Variants in XKR6 observed in about 807,000 individuals in gnomAD.
XKR6 encodes XK related 6, also known as XK-related protein 6.
A neutral mutation model predicts 56.7 loss-of-function variants in XKR6; 22 were observed. That is an observed-to-expected ratio of 0.39 (90% CI 0.28 to 0.55). XKR6 has a LOEUF of 0.55. Among genes scored for constraint, XKR6 ranks in the 20% least tolerant of loss-of-function variants. XKR6 has a pLI of 0.66. For synonymous variants in XKR6, 524 were observed against 387.8 expected (o/e 1.35, Z -4.13); for missense variants, 852 against 889.0 (o/e 0.96, Z 0.53).
chr8:11,069,444 T>C (rs1212287143), intron 1 of XKR6, among the ~76,000 whole-genome samples: 2 of 151,644 alleles, frequency 1.3e-5, no homozygotes, highest in Non-Finnish European at 2.9e-5. Context: ...AGAGCCTGTG[T>C]TGCCACACCT....
chr8:10,991,054 C>A lies in XKR6; in HGVS notation c.765-66224G>T, dbSNP rs368366753. On this transcript the variant is annotated intron_variant, in intron 1 of 2. Coordinates refer to ENST00000416569, the MANE Select transcript of XKR6 (RefSeq NM_173683.4). ...GAGTAACTGGGATTACAGGCACCCA[C>A]CAACATGCCCAGCTGATTTTTGTAT... 5.9e-5 allele frequency among the ~76,000 whole-genome samples: 9 copies of A among 152,186 alleles called. No homozygotes were observed. In the South Asian group the frequency reaches 1.7e-3, roughly 28 times the overall value.
At chr8:11,015,982 G>A (rs1798610505) in intron 1 of XKR6, among the ~76,000 whole-genome samples, 1 of 152,160 alleles carries the variant, frequency 6.6e-6, no homozygotes, top group African/African-American at 2.4e-5. Context: ...CGGGCAGCAG[G>A]GCTCAGACGA....
At chr8:11,116,659 C>G (rs1799190686) in intron 1 of XKR6, among the ~76,000 whole-genome samples, 1 of 152,196 alleles carries the variant, frequency 6.6e-6, no homozygotes, top group African/African-American at 2.4e-5. Flanking sequence ...GCAGGAGCCA[C>G]TACACCAGGC....
intron 1 of XKR6, among the ~76,000 whole-genome samples, chr8:11,080,392 G>A (rs1294286904): frequency 6.6e-6 from 1 of 152,298 alleles, no homozygotes; most frequent in South Asian, 2.1e-4. Context: ...AAAAAAAAGA[G>A]ATCAGTACAT....
At chr8:10,960,859 C>T (rs1266829413) in intron 1 of XKR6, among the ~76,000 whole-genome samples, 1 of 152,222 alleles carries the variant, frequency 6.6e-6, no homozygotes, top group African/African-American at 2.4e-5. Context: ...AGATCGCTTG[C>T]ATTCCAGTGG....
rs1263481367 is a variant in XKR6 at position 10,897,841 on chromosome 8, G to A, written c.*111C>T. On this transcript the variant is annotated 3_prime_UTR_variant, in exon 3 of 3. Transcript: ENST00000416569. The stretch of plus-strand genomic sequence containing the variant: ...GTGGTGTTGGTGTGGCGGTGTTGGT[G>A]GTGGTGGCGGTGGTTCTGTGTATTG... The A allele has an allele frequency of 5.2e-6, 7 of 1,353,888 alleles. No homozygotes were observed. In the African/African-American group the frequency reaches 1.0e-4, roughly 20 times the overall value. 83.9% of individuals were successfully genotyped at this position (1,353,888 alleles called of 1,614,324 possible).
intron 1 of XKR6, chr8:11,107,960 T>A: frequency 3.3e-6 from 1 of 301,830 alleles, no homozygotes. Flanking sequence ...GATGATGCTC[T>A]TCCATCTCTC....
chr8:11,158,951 G>A (rs1801660722), intron 1 of XKR6, among the ~76,000 whole-genome samples: 1 of 152,194 alleles, frequency 6.6e-6, no homozygotes, highest in Admixed American at 6.5e-5. Context: ...GGACCCGCTT[G>A]CCGGCACTCA....
chr8:11,085,979 A>G (rs543775694), intron 1 of XKR6, among the ~76,000 whole-genome samples: 1 of 152,088 alleles, frequency 6.6e-6, no homozygotes, highest in Non-Finnish European at 1.5e-5. Context: ...AGAATTTGAG[A>G]ATCACTCACT....
chr8:11,108,218 A>T (rs1191881280), intron 1 of XKR6: 1 of 450,290 alleles, frequency 2.2e-6, no homozygotes, highest in East Asian at 7.0e-5. Flanking sequence ...CCAAATTCAG[A>T]AATAACCATA....
intron 1 of XKR6, among the ~76,000 whole-genome samples, chr8:10,948,874 G>A (rs1801630778): frequency 6.6e-6 from 1 of 152,216 alleles, no homozygotes; most frequent in Non-Finnish European, 1.5e-5. Context: ...ATTTACTGGA[G>A]CAGGCACAGC....
intron 1 of XKR6, among the ~76,000 whole-genome samples, chr8:11,050,221 G>C (rs1347397959): frequency 2.0e-5 from 3 of 152,350 alleles, no homozygotes; most frequent in Non-Finnish European, 4.4e-5. Flanking sequence ...GCCAGATACA[G>C]GGAGGGGCAA....
intron 1 of XKR6, among the ~76,000 whole-genome samples, chr8:11,138,901 T>C (rs1307491561): frequency 6.6e-6 from 1 of 150,390 alleles, no homozygotes; most frequent in Non-Finnish European, 1.5e-5. Context: ...TGAAGTTATC[T>C]GGGCCATTTC....
At chr8:11,165,124 G>C (rs1466005786) in intron 1 of XKR6, among the ~76,000 whole-genome samples, 1 of 106,966 alleles carries the variant, frequency 9.3e-6, no homozygotes, top group Non-Finnish European at 1.8e-5. Flanking sequence ...TTTTGAGACA[G>C]AGTGTCGCTT....
intron 1 of XKR6, among the ~76,000 whole-genome samples, chr8:10,977,673 T>A (rs1397691719): frequency 1.3e-5 from 2 of 149,124 alleles, no homozygotes; most frequent in African/African-American, 4.9e-5. Context: ...CCTCGAAAGG[T>A]CTATCACGGA....
At chr8:11,176,516 T>C (rs1432581792) in intron 1 of XKR6, among the ~76,000 whole-genome samples, 1 of 152,200 alleles carries the variant, frequency 6.6e-6, no homozygotes, top group African/African-American at 2.4e-5. Context: ...GCAACGTTTG[T>C]ATATATTTTT....
rs145006022 is a variant in XKR6 at position 10,954,645 on chromosome 8, A to C, written c.765-29815T>G. Among the ~76,000 whole-genome samples, 386 of 152,274 alleles carry C rather than the reference A, an allele frequency of 2.5e-3. 3 individuals are homozygous for C. Among genetic ancestry groups the C allele is most frequent in the African/African-American group, 8.2e-3 (342 of 41,574 alleles). On this transcript the variant is annotated intron_variant, in intron 1 of 2. Transcript: ENST00000416569. ...CCTGATGGTGTCCTCTGAAGCACAG[A>C]AATTTTTAATTTTGATGAAGTCTTA... is the stretch of plus-strand genomic sequence containing the variant.
chr8:11,201,488 C>T lies in XKR6; in HGVS notation c.-149G>A. 2 of 565,362 alleles carry T rather than the reference C, an allele frequency of 3.5e-6. No homozygotes were observed. The highest frequency in any genetic ancestry group is 6.2e-6 in the Non-Finnish European group (2 of 324,588). The allele number at this position is 565,362 out of a possible 1,614,324, so 35.0% of individuals were successfully genotyped here. ...AGCAAACGAACGAGGGGGGAGTGGGCCAGGGAACCCCCTCCGCTTCCGGGT... is the reference window on the plus strand; with the variant it reads ...AGCAAACGAACGAGGGGGGAGTGGGTCAGGGAACCCCCTCCGCTTCCGGGT... On this transcript the variant is annotated 5_prime_UTR_variant, in exon 1 of 3. Transcript: ENST00000416569.
chr8:10,912,221 AGAGAGAGAGAGG>A (rs1021344135), intron 2 of XKR6, among the ~76,000 whole-genome samples: 1 of 145,274 alleles, frequency 6.9e-6, no homozygotes, highest in Non-Finnish European at 1.5e-5. Context: ...GTATATATAC[AGAGAGAGAGAGG>A]GAGAGAGAGA....
Sources: gnomAD v4.1 joint callset for allele counts (sites outside exome capture counted in the v4.1 genomes callset) on GRCh38, gnomAD v4.1.1 for gene constraint, MANE v1.5 for transcripts, NCBI Gene and HGNC (gene_info 2026-07-23, HGNC 2026-07-21) for gene names.